ALMS1: variants seen among roughly 807,000 people sequenced by gnomAD.
ALMS1 encodes ALMS1 centrosome and basal body associated protein, also known as centrosome-associated protein ALMS1.
ALMS1 carries 271 observed loss-of-function variants against 352.2 expected under a neutral mutation model. The observed-to-expected ratio is 0.77, with a 90% CI of 0.70 to 0.85. The LOEUF is 0.85. Ranked by LOEUF, ALMS1 falls within the 40% of genes least tolerant of loss-of-function variation. The pLI, the probability that ALMS1 is intolerant of heterozygous loss-of-function variation, is 0.00. For missense variants in ALMS1, 5,445 were observed against 4,870.7 expected, an observed-to-expected ratio of 1.12 and a Z score of -3.51; for synonymous variants, 1,865 against 1,761.2, an observed-to-expected ratio of 1.06 and a Z score of -1.48.
intron 2 of ALMS1, among the ~76,000 whole-genome samples, chr2:73,413,615 A>C (rs1572907536): frequency 6.6e-6 from 1 of 152,304 alleles, no homozygotes; most frequent in East Asian, 1.9e-4. Flanking sequence ...CCATGGTTGA[A>C]GGGAGAGGCG....
intron 6 of ALMS1, 114 bp downstream of exon 6, chr2:73,426,667 A>G: frequency 1.9e-6 from 2 of 1,066,916 alleles, no homozygotes; most frequent in South Asian, 2.6e-5. Context: ...GTACATGACC[A>G]ATGTCATTTG....
chr2:73,559,490 T>G (rs983451630), intron 15 of ALMS1, among the ~76,000 whole-genome samples: 1 of 152,146 alleles, frequency 6.6e-6, no homozygotes, highest in Non-Finnish European at 1.5e-5. Context: ...GCAAAGATAG[T>G]GAGACCATCA....
intron 9 of ALMS1, among the ~76,000 whole-genome samples, chr2:73,476,367 T>C (rs766237663): frequency 1.3e-5 from 2 of 152,052 alleles, no homozygotes; most frequent in African/African-American, 2.4e-5. Context: ...ATGCTTGTTA[T>C]AATTATCTCT....
At chr2:73,442,043 C>T (rs1671729345) in intron 7 of ALMS1, among the ~76,000 whole-genome samples, 1 of 152,088 alleles carries the variant, frequency 6.6e-6, no homozygotes, top group African/African-American at 2.4e-5. Flanking sequence ...AATCTGCAGC[C>T]CGTGTCCTGA....
At chr2:73,488,288 G>T (rs1292507851) in intron 9 of ALMS1, among the ~76,000 whole-genome samples, 1 of 152,250 alleles carries the variant, frequency 6.6e-6, no homozygotes, top group Non-Finnish European at 1.5e-5. Flanking sequence ...GTCTGGAGGG[G>T]CGGCAGGGGG....
chr2:73,579,810 G>C (rs186003856), intron 16 of ALMS1, among the ~76,000 whole-genome samples: 9 of 152,228 alleles, frequency 5.9e-5, no homozygotes, highest in Admixed American at 3.9e-4. Context: ...AAGATTCTCT[G>C]TCTTTGGCTT....
At chr2:73,437,212 C>T (rs1436935850) in intron 7 of ALMS1, among the ~76,000 whole-genome samples, 1 of 152,120 alleles carries the variant, frequency 6.6e-6, no homozygotes, top group Non-Finnish European at 1.5e-5. Context: ...TGGCTTGCCT[C>T]TGCTGGGCAG....
chr2:73,397,888 A>C (rs1000102193), intron 1 of ALMS1, among the ~76,000 whole-genome samples: 1 of 152,178 alleles, frequency 6.6e-6, no homozygotes, highest in African/African-American at 2.4e-5. Context: ...TGAATCAGAG[A>C]TGTGTCTTTT....
At chr2:73,515,603 T>C (rs1572988330) in intron 10 of ALMS1, among the ~76,000 whole-genome samples, 2 of 151,972 alleles carry the variant, frequency 1.3e-5, no homozygotes, top group South Asian at 2.1e-4. Context: ...CTGTATGAAA[T>C]TGAGATGCGA....
Position 73,385,949 on chromosome 2 carries a change from G to A in ALMS1, c.81G>A (p.Glu27=), listed in dbSNP as rs1223853236. Residue 27 remains glutamate (E), a synonymous_variant, in exon 1 of 23, where the codon GAG becomes GAA. Coordinates refer to ENST00000613296, the MANE Select transcript of ALMS1 (RefSeq NM_001378454.1). ...EEEEEEEEEE[E]EAAAAAAANV... is the part of the protein sequence containing the mutation. Reference sequence around the variant, plus strand: ...AGGAGGAGGAGGAGGAGGAAGAGGAGGAGGCTGCAGCGGCGGCGGCGGCGA... The same window carrying A: ...AGGAGGAGGAGGAGGAGGAAGAGGAAGAGGCTGCAGCGGCGGCGGCGGCGA... The A allele has an allele frequency of 9.2e-6, 12 of 1,304,636 alleles. No individual in the cohort carries two copies. The highest frequency in any genetic ancestry group is 1.9e-4 in the Middle Eastern group (1 of 5,268). 80.8% of individuals were successfully genotyped at this position (1,304,636 alleles called of 1,614,324 possible).
In ALMS1 at chr2:73,453,178, C is replaced by A. The variant is rs762286296; in HGVS notation, c.6651C>A (p.Ser2217Arg). The A allele has an allele frequency of 6.2e-7, 1 of 1,613,956 alleles. No individual in the cohort carries two copies. The highest frequency in any genetic ancestry group is 1.7e-5 in the Admixed American group (1 of 59,998). The change falls in exon 8 of 23, where the codon AGC becomes AGA. Residue 2217 changes from serine (S) to arginine (R), a missense_variant. Ser to Arg is a moderately radical substitution (Grantham distance 110). Coordinates refer to ENST00000613296, the MANE Select transcript of ALMS1 (RefSeq NM_001378454.1). ...DNLNSSDSSV[S>R]SNNVLLNSQA... ...TGAATTCTTCTGACTCCAGTGTTAG[C>A]TCAAATAATGTGCTTTTAAATTCTC...
chr2:73,460,891 A>G (rs542696755), intron 9 of ALMS1, among the ~76,000 whole-genome samples: 3,157 of 152,128 alleles, frequency 0.021, 117 homozygotes, highest in African/African-American at 0.071. Flanking sequence ...AGGCTGGGGG[A>G]GGGGCGCCTG....
At chr2:73,503,933 T>A (rs1206275010) in intron 10 of ALMS1, among the ~76,000 whole-genome samples, 1 of 152,328 alleles carries the variant, frequency 6.6e-6, no homozygotes, top group East Asian at 1.9e-4. Flanking sequence ...ATGGAAGGTA[T>A]GTTTAAATTA....
At chr2:73,550,003 G>T (rs567939835) in intron 12 of ALMS1, among the ~76,000 whole-genome samples, 6 of 152,088 alleles carry the variant, frequency 3.9e-5, no homozygotes, top group African/African-American at 1.4e-4. Flanking sequence ...GGGATTACAC[G>T]CACCTGCCAC....
chr2:73,526,093 G>A (rs557134122), intron 11 of ALMS1, among the ~76,000 whole-genome samples: 1 of 152,230 alleles, frequency 6.6e-6, no homozygotes, highest in African/African-American at 2.4e-5. Context: ...CTGTAGGTGT[G>A]TGGATTTGTT....
At chr2:73,485,550 A>T (rs1023358264) in intron 9 of ALMS1, among the ~76,000 whole-genome samples, 7 of 152,260 alleles carry the variant, frequency 4.6e-5, no homozygotes, top group Non-Finnish European at 1.0e-4. Context: ...CTTCCTCCAG[A>T]GATGTAGCCT....
At chr2:73,591,455 A>G (rs190351205) in intron 16 of ALMS1, among the ~76,000 whole-genome samples, 393 of 152,346 alleles carry the variant, frequency 2.6e-3, no homozygotes, top group African/African-American at 8.8e-3. Flanking sequence ...CTAGACTCCA[A>G]TCAGTTAGAA....
intron 15 of ALMS1, among the ~76,000 whole-genome samples, chr2:73,568,712 A>C (rs1169918371): frequency 6.6e-6 from 1 of 152,158 alleles, no homozygotes; most frequent in African/African-American, 2.4e-5. Flanking sequence ...AATATTTTGC[A>C]TGTTTAATTT....
chr2:73,592,989 C>T (rs1158248542), intron 16 of ALMS1, among the ~76,000 whole-genome samples: 1 of 152,090 alleles, frequency 6.6e-6, no homozygotes, highest in African/African-American at 2.4e-5. Flanking sequence ...AAGAGAAAGC[C>T]TAACCCATGG....
Sources: gnomAD v4.1 joint callset for allele counts (sites outside exome capture counted in the v4.1 genomes callset) on GRCh38, gnomAD v4.1.1 for gene constraint, MANE v1.5 for transcripts, NCBI Gene and HGNC (gene_info 2026-07-23, HGNC 2026-07-21) for gene names.